POU6F2: variants seen among roughly 807,000 people sequenced by gnomAD.
POU6F2 encodes the protein POU domain, class 6, transcription factor 2.
In POU6F2, 31 loss-of-function variants were observed where a neutral mutation model predicts 71.3. The observed-to-expected ratio is 0.43, with a 90% CI of 0.33 to 0.59. POU6F2 has a LOEUF of 0.59. Among genes scored for constraint, POU6F2 ranks in the 20% least tolerant of loss-of-function variants. The pLI is 0.04. For missense variants in POU6F2, 783 were observed against 856.8 expected (o/e 0.91, Z 1.07); for synonymous variants, 347 against 355.7 (o/e 0.98, Z 0.27).
At chr7:39,338,821 T>C (rs950763712) in intron 4 of POU6F2, among the ~76,000 whole-genome samples, 1 of 152,162 alleles carries the variant, frequency 6.6e-6, no homozygotes, top group African/African-American at 2.4e-5. Context: ...GAACAAATTT[T>C]GCGTGCTCAG....
chr7:39,069,250 C>T (rs1790824629), intron 1 of POU6F2, among the ~76,000 whole-genome samples: 2 of 152,164 alleles, frequency 1.3e-5, no homozygotes, highest in South Asian at 4.1e-4. Flanking sequence ...AAACCATTAG[C>T]AGCTGAAAAG....
chr7:38,993,562 C>G (rs1268847163), intron 1 of POU6F2, among the ~76,000 whole-genome samples: 1 of 151,258 alleles, frequency 6.6e-6, no homozygotes, highest in Admixed American at 6.6e-5. Context: ...ATCTGTCTAG[C>G]ACTTGAACTG....
chr7:39,087,143 TATTAATTAATTA>T (rs61339985), intron 2 of POU6F2, among the ~76,000 whole-genome samples: 1,681 of 89,340 alleles, frequency 0.019, 10 homozygotes, highest in Middle Eastern at 0.026. Context: ...ACACAGGCTT[TATTAATTAATTA>T]ATTAATTTAT....
At chr7:39,364,193 T>G (rs528572898) in intron 5 of POU6F2, among the ~76,000 whole-genome samples, 3 of 152,178 alleles carry the variant, frequency 2.0e-5, no homozygotes, top group African/African-American at 7.2e-5. Flanking sequence ...ACAGACATAG[T>G]TGCTGCAGGT....
chr7:39,340,202 C>T lies in POU6F2; in HGVS notation c.972+187C>T, dbSNP rs554609382. On this transcript the variant is annotated intron_variant, in intron 5 of 9. Coordinates refer to ENST00000518318, the MANE Select transcript of POU6F2 (RefSeq NM_001370959.1). Reference sequence around the variant, plus strand: ...GAAGGCAACTGGGGATGCATGTAAACGAAACAAATAGAAGCCCATTTCTGT... The same window carrying T: ...GAAGGCAACTGGGGATGCATGTAAATGAAACAAATAGAAGCCCATTTCTGT... 1.4e-4 allele frequency among the ~76,000 whole-genome samples: 21 copies of T among 152,256 alleles called. 1 individual carries two copies. Among genetic ancestry groups the T allele is most frequent in the South Asian group, 6.2e-4 (3 of 4,828 alleles).
intron 2 of POU6F2, among the ~76,000 whole-genome samples, chr7:39,134,013 T>C (rs948638223): frequency 6.6e-6 from 1 of 152,120 alleles, no homozygotes; most frequent in Non-Finnish European, 1.5e-5. Context: ...TAGCTGGAAC[T>C]ACAGGCGTGT....
chr7:39,294,273 T>TTTGTTAACAAATTTGTTAACAATC (rs1407133978), intron 4 of POU6F2, among the ~76,000 whole-genome samples: 3 of 151,014 alleles, frequency 2.0e-5, no homozygotes, highest in Non-Finnish European at 4.4e-5. Context: ...TTCCAGCCAA[T>TTTGTTAACAAATTTGTTAACAATC]TTGTTAACAA....
At chr7:38,979,207 T>G (rs1294981327) in intron 1 of POU6F2, among the ~76,000 whole-genome samples, 4 of 62,150 alleles carry the variant, frequency 6.4e-5, no homozygotes, top group Non-Finnish European at 1.4e-4. Context: ...CCTAAAAGTT[T>G]TTTTTTTTGT....
intron 2 of POU6F2, among the ~76,000 whole-genome samples, chr7:39,142,942 A>C (rs1198906902): frequency 6.6e-6 from 1 of 152,244 alleles, no homozygotes; most frequent in Non-Finnish European, 1.5e-5. Context: ...TAAAGCAATA[A>C]TTTGCTAACT....
In POU6F2 at chr7:39,460,784, T is replaced by G; in HGVS notation, c.1658+69T>G. The G allele has an allele frequency of 7.0e-7, 1 of 1,437,110 alleles. No homozygotes were observed. Among genetic ancestry groups the G allele is most frequent in the Non-Finnish European group, 9.2e-7 (1 of 1,090,730 alleles). 89.0% of individuals were successfully genotyped at this position (1,437,110 alleles called of 1,614,324 possible). A position where few individuals can be genotyped will look rare whatever the true frequency, so the allele number is the denominator to read the frequency against. ...GCCTCATTTGTCCTCGCGGTTCAGC[T>G]TTTCTTCGTCGGGTGGGCAAAGCTG... On this transcript the variant is annotated intron_variant, in intron 9 of 9. Transcript: ENST00000518318. This position sits in a 1 kb window ranked among gnomAD's most constrained non-coding sequence, Gnocchi z 4.4.
At chr7:39,455,982 G>T (rs1343586187) in intron 8 of POU6F2, among the ~76,000 whole-genome samples, 1 of 152,196 alleles carries the variant, frequency 6.6e-6, no homozygotes, top group Non-Finnish European at 1.5e-5. Flanking sequence ...CCCCAGGCCA[G>T]TTAATTCCTC....
intron 4 of POU6F2, among the ~76,000 whole-genome samples, chr7:39,264,675 G>T (rs1328533695): frequency 2.0e-5 from 3 of 152,122 alleles, no homozygotes; most frequent in Non-Finnish European, 4.4e-5. Context: ...AGGCTAAGTA[G>T]TCAATAAATG....
chr7:39,394,477 C>T (rs1486281642), intron 5 of POU6F2, among the ~76,000 whole-genome samples: 1 of 152,018 alleles, frequency 6.6e-6, no homozygotes, highest in Non-Finnish European at 1.5e-5. Flanking sequence ...GCAGGGGAAA[C>T]GCTCTGTGGG....
At chr7:39,048,716 G>T (rs564918429) in intron 1 of POU6F2, among the ~76,000 whole-genome samples, 1 of 151,910 alleles carries the variant, frequency 6.6e-6, no homozygotes, top group Non-Finnish European at 1.5e-5. Context: ...TGGGATTGCT[G>T]GGTTTCATGG....
intron 2 of POU6F2, among the ~76,000 whole-genome samples, chr7:39,118,390 G>A (rs1014514994): frequency 3.9e-5 from 6 of 151,918 alleles, no homozygotes; most frequent in Admixed American, 2.6e-4. Context: ...TAGAAGCAAT[G>A]TATACAGCAA....
At chr7:39,114,657 C>T (rs1316925764) in intron 2 of POU6F2, among the ~76,000 whole-genome samples, 1 of 151,796 alleles carries the variant, frequency 6.6e-6, no homozygotes, top group Non-Finnish European at 1.5e-5. Context: ...TTAAAAATTG[C>T]CATTGGTCAG....
intron 2 of POU6F2, among the ~76,000 whole-genome samples, chr7:39,138,483 C>T (rs564754607): frequency 3.9e-5 from 6 of 152,244 alleles, no homozygotes; most frequent in South Asian, 2.1e-4. Context: ...GTCAGATCAG[C>T]GGCAGCATTA....
At chr7:39,400,015 G>A (rs1364505424) in intron 5 of POU6F2, among the ~76,000 whole-genome samples, 1 of 152,200 alleles carries the variant, frequency 6.6e-6, no homozygotes, top group Non-Finnish European at 1.5e-5. Flanking sequence ...GTTGTATAGG[G>A]TTCCATTATG....
At chr7:39,117,402 A>G (rs574427136) in intron 2 of POU6F2, among the ~76,000 whole-genome samples, 10 of 152,330 alleles carry the variant, frequency 6.6e-5, no homozygotes, top group Non-Finnish European at 1.5e-4. Context: ...TCAGAGTTAA[A>G]CATGGGTGAT....
Sources: gnomAD v4.1 joint callset for allele counts (sites outside exome capture counted in the v4.1 genomes callset) on GRCh38, gnomAD v4.1.1 for gene constraint, Gnocchi (gnomAD v3.1) non-coding constraint, MANE v1.5 for transcripts, NCBI Gene and HGNC (gene_info 2026-07-23, HGNC 2026-07-21) for gene names.